UNC5A: variants seen among roughly 807,000 people sequenced by gnomAD.
UNC5A encodes netrin receptor UNC5A.
In UNC5A, 20 loss-of-function variants were observed where a neutral mutation model predicts 87.4. That is an observed-to-expected ratio of 0.23 (90% CI 0.16 to 0.33). The LOEUF (loss-of-function observed/expected upper bound fraction) is 0.33. Ranked by LOEUF, UNC5A falls within the 10% of genes least tolerant of loss-of-function variation. The pLI, the probability that UNC5A is intolerant of heterozygous loss-of-function variation, is 1.00. For missense variants in UNC5A, 844 were observed against 1,133.4 expected (o/e 0.74, Z 3.67); for synonymous variants, 438 against 482.3 (o/e 0.91, Z 1.20).
chr5:176,878,378 C>G lies in UNC5A; in HGVS notation c.2004C>G (p.Leu668=). The change falls in exon 12 of 15, where the codon CTC becomes CTG. Residue 668 remains leucine (L), a synonymous_variant. Coordinates refer to ENST00000329542, the MANE Select transcript of UNC5A (RefSeq NM_133369.3). ...CCAGCTCCCTGTGGAAGAGTAAGCT[C>G]CTTGTCAGCTACCAGGTGAGGGCCA... The part of the protein sequence containing the change: ...DVPSSLWKSK[L]LVSYQEIPFY... 1 of 1,613,626 alleles carries G rather than the reference C, an allele frequency of 6.2e-7. No individual in the cohort carries two copies. Among genetic ancestry groups the G allele is most frequent in the Non-Finnish European group, 8.5e-7 (1 of 1,179,998 alleles).
In UNC5A at chr5:176,880,046, C is replaced by A; in HGVS notation, c.*160C>A. 1.0e-6 allele frequency: 1 copy of A among 969,864 alleles called. No individual in the cohort carries two copies. Among genetic ancestry groups the A allele is most frequent in the Non-Finnish European group, 1.5e-6 (1 of 679,046 alleles). The allele number at this position is 969,864 out of a possible 1,614,324, so 60.1% of individuals were successfully genotyped here. On this transcript the variant is annotated 3_prime_UTR_variant, in exon 15 of 15. Coordinates refer to ENST00000329542, the MANE Select transcript of UNC5A (RefSeq NM_133369.3). ...TAATGCTGGTCCTTCAGACCCTGCCCGAACTCCCACCTCTCCATGGCCTGC... is the reference window on the plus strand; with the variant it reads ...TAATGCTGGTCCTTCAGACCCTGCCAGAACTCCCACCTCTCCATGGCCTGC...
At chr5:176,855,250 GC>G (rs1268377056) in intron 1 of UNC5A, among the ~76,000 whole-genome samples, 1 of 152,252 alleles carries the variant, frequency 6.6e-6, no homozygotes, top group Non-Finnish European at 1.5e-5. Context: ...TGCAGGACTG[GC>G]CCTTCCCTGT....
chr5:176,843,196 A>G lies in UNC5A; in HGVS notation c.71-19428A>G, dbSNP rs550378045. On this transcript the variant is annotated intron_variant, in intron 1 of 14. Coordinates refer to ENST00000329542, the MANE Select transcript of UNC5A (RefSeq NM_133369.3). ...AAAAAGAAAGAAAGAAAGAAAGAAA[A>G]AAAGAAAAGAAAATCATCAAAATGT... is the stretch of plus-strand genomic sequence containing the variant. 1.8e-3 allele frequency among the ~76,000 whole-genome samples: 280 copies of G among 151,372 alleles called. 2 individuals are homozygous for G. Among genetic ancestry groups the G allele is most frequent in the Admixed American group, 0.012 (186 of 15,210 alleles).
intron 1 of UNC5A, among the ~76,000 whole-genome samples, chr5:176,862,342 G>A (rs1757861157): frequency 6.6e-6 from 1 of 152,210 alleles, no homozygotes; most frequent in Non-Finnish European, 1.5e-5. Context: ...GAAGGCAGTC[G>A]CCAGGCCACC....
chr5:176,837,582 A>G (rs1231803135), intron 1 of UNC5A, among the ~76,000 whole-genome samples: 1 of 152,210 alleles, frequency 6.6e-6, no homozygotes, highest in Admixed American at 6.5e-5. Flanking sequence ...GGTGTGTGCC[A>G]GGTTATCTGA....
In UNC5A at chr5:176,824,120, C is replaced by T. The variant is rs776858077; in HGVS notation, c.70+13300C>T. ...GTCAGGATCCTTGCCAGGGCTTCTC[C>T]CGCCTGGAGGCGGAGGTGCGGCCCC... On this transcript the variant is annotated intron_variant, in intron 1 of 14. Transcript: ENST00000329542. This position sits in a 1 kb window ranked among gnomAD's most constrained non-coding sequence, Gnocchi z 4.2. Among the ~76,000 whole-genome samples, 47 of 152,374 alleles carry T rather than the reference C, an allele frequency of 3.1e-4. No individual in the cohort carries two copies. The highest frequency in any genetic ancestry group is 1.1e-3 in the Admixed American group (17 of 15,312).
intron 14 of UNC5A, 40 bp from the exon 15 acceptor site, chr5:176,879,681 G>C: frequency 6.2e-7 from 1 of 1,605,370 alleles, no homozygotes; most frequent in Non-Finnish European, 8.5e-7. Flanking sequence ...TGTCGGCTGG[G>C]GCCAGGCCAG....
At chr5:176,840,332 G>A (rs746251202) in intron 1 of UNC5A, among the ~76,000 whole-genome samples, 26 of 152,274 alleles carry the variant, frequency 1.7e-4, no homozygotes, top group African/African-American at 2.6e-4. Context: ...ATGGGGGCCC[G>A]CTGTGAGGGT....
At chr5:176,864,209 C>T (rs1757916973) in intron 2 of UNC5A, among the ~76,000 whole-genome samples, 2 of 152,088 alleles carry the variant, frequency 1.3e-5, no homozygotes. Flanking sequence ...CTCAAAACCA[C>T]CTGGAAAGGG....
chr5:176,834,701 C>CTCTCTCTCTCTCTCTG (rs1428448502), intron 1 of UNC5A, among the ~76,000 whole-genome samples: 1 of 148,494 alleles, frequency 6.7e-6, no homozygotes, highest in Non-Finnish European at 1.5e-5. Flanking sequence ...CTCTCTCTCT[C>CTCTCTCTCTCTCTCTG]TCTGTCTCTC....
intron 1 of UNC5A, among the ~76,000 whole-genome samples, chr5:176,836,665 T>G (rs532180783): frequency 6.6e-6 from 1 of 152,112 alleles, no homozygotes; most frequent in African/African-American, 2.4e-5. Flanking sequence ...CAGAAAGGGC[T>G]CGGAGAAGGG....
intron 1 of UNC5A, among the ~76,000 whole-genome samples, chr5:176,845,354 C>T (rs1003273618): frequency 6.6e-6 from 1 of 152,222 alleles, no homozygotes; most frequent in Non-Finnish European, 1.5e-5. Flanking sequence ...TAATCCAGCC[C>T]GTGCTGCCAC....
chr5:176,852,938 CACAA>C (rs1757581083), intron 1 of UNC5A, among the ~76,000 whole-genome samples: 1 of 152,222 alleles, frequency 6.6e-6, no homozygotes, highest in Non-Finnish European at 1.5e-5. Context: ...TAACCAAGTA[CACAA>C]ACAAGATGAC....
At chr5:176,812,380 C>T (rs1170577449) in intron 1 of UNC5A, among the ~76,000 whole-genome samples, 1 of 152,200 alleles carries the variant, frequency 6.6e-6, no homozygotes, top group African/African-American at 2.4e-5. Flanking sequence ...CTGCATGTCG[C>T]CCACGTGAGC....
chr5:176,818,694 G>A (rs1036567678), intron 1 of UNC5A, among the ~76,000 whole-genome samples: 1 of 152,164 alleles, frequency 6.6e-6, no homozygotes, highest in African/African-American at 2.4e-5. Flanking sequence ...TCTCCTATGT[G>A]GCTATTTACT....
chr5:176,835,728 G>GGTGTGT (rs1444755132), intron 1 of UNC5A, among the ~76,000 whole-genome samples: 5 of 63,476 alleles, frequency 7.9e-5, no homozygotes, highest in South Asian at 8.5e-4. Context: ...TTTGATAAAG[G>GGTGTGT]ATGTGTGTGT....
intron 1 of UNC5A, among the ~76,000 whole-genome samples, chr5:176,830,410 A>T (rs1187215876): frequency 8.8e-6 from 1 of 113,326 alleles, no homozygotes; most frequent in Non-Finnish European, 1.9e-5. Context: ...TGTGTGTGCC[A>T]GTGCGTGTGT....
In UNC5A at chr5:176,847,138, G is replaced by A. The variant is rs149804101; in HGVS notation, c.71-15486G>A. 2.5e-3 allele frequency among the ~76,000 whole-genome samples: 381 copies of A among 152,270 alleles called. 10 individuals carry two copies. In the East Asian group the frequency reaches 0.056, roughly 23 times the overall value. Reference sequence around the variant, plus strand: ...ATGAAGGTCTGCCTCACCCCCGTTCGTTGAAGTCGGGCGCCGGCTGATTCT... The same window carrying A: ...ATGAAGGTCTGCCTCACCCCCGTTCATTGAAGTCGGGCGCCGGCTGATTCT... On this transcript the variant is annotated intron_variant, in intron 1 of 14. Coordinates refer to ENST00000329542, the MANE Select transcript of UNC5A (RefSeq NM_133369.3).
chr5:176,814,707 C>A (rs1756547321), intron 1 of UNC5A, among the ~76,000 whole-genome samples: 1 of 152,248 alleles, frequency 6.6e-6, no homozygotes, highest in South Asian at 2.1e-4. Context: ...TCCTTCTCCT[C>A]CAGTGCCTCC....
Sources: gnomAD v4.1 joint callset for allele counts (sites outside exome capture counted in the v4.1 genomes callset) on GRCh38, gnomAD v4.1.1 for gene constraint, Gnocchi (gnomAD v3.1) non-coding constraint, MANE v1.5 for transcripts, NCBI Gene and HGNC (gene_info 2026-07-23, HGNC 2026-07-21) for gene names.